OPCML: variants seen among roughly 807,000 people sequenced by gnomAD.
The protein encoded by OPCML is opioid binding protein/cell adhesion molecule like.
In OPCML, 13 loss-of-function variants were observed where a neutral mutation model predicts 37.8. The ratio of observed to expected loss-of-function variants is 0.34; its 90% confidence interval spans 0.22 to 0.55. The LOEUF (loss-of-function observed/expected upper bound fraction) is 0.55. OPCML is among the 20% of genes least tolerant of loss of function. The pLI, the probability that OPCML is intolerant of heterozygous loss-of-function variation, is 0.91. For missense variants in OPCML, 341 were observed against 435.6 expected (o/e 0.78, Z 1.93); for synonymous variants, 176 against 168.8 (o/e 1.04, Z -0.33).
intron 1 of OPCML, among the ~76,000 whole-genome samples, chr11:133,140,662 A>C (rs889100447): frequency 7.5e-5 from 4 of 53,332 alleles, no homozygotes; most frequent in African/African-American, 2.1e-4. Flanking sequence ...GAGGAAGAAA[A>C]GAAGAAAAGA....
intron 1 of OPCML, among the ~76,000 whole-genome samples, chr11:133,517,992 C>T (rs1948318964): frequency 6.6e-6 from 1 of 152,164 alleles, no homozygotes; most frequent in Non-Finnish European, 1.5e-5. Context: ...CTAGCACTGC[C>T]AGTTCCGAGG....
Position 132,485,598 on chromosome 11 carries a change from T to C in OPCML, c.505+43463A>G, listed in dbSNP as rs1014192226. Among the ~76,000 whole-genome samples, 6 of 152,342 alleles carry C rather than the reference T, an allele frequency of 3.9e-5. No individual in the cohort carries two copies. The South Asian group carries it at 1.2e-3, about 32-fold the overall frequency. ...GCAGCCACTGATCAATTTCTCCTAC[T>C]ATGACTTAGCGTTGACTGCTTTAGA... On this transcript the variant is annotated intron_variant, in intron 4 of 7. Transcript: ENST00000524381.
chr11:133,474,311 C>G (rs1453535863), intron 1 of OPCML, among the ~76,000 whole-genome samples: 3 of 152,118 alleles, frequency 2.0e-5, no homozygotes, highest in African/African-American at 7.2e-5. Context: ...CTTTGTAACA[C>G]ACATTGTAAA....
intron 3 of OPCML, among the ~76,000 whole-genome samples, chr11:132,543,920 C>T (rs1390869229): frequency 6.6e-6 from 1 of 152,012 alleles, no homozygotes; most frequent in Non-Finnish European, 1.5e-5. Flanking sequence ...TCCAACAAAC[C>T]TGGAGAGTCT....
chr11:132,533,537 A>C (rs985662626), intron 3 of OPCML, among the ~76,000 whole-genome samples: 3 of 152,172 alleles, frequency 2.0e-5, no homozygotes, highest in African/African-American at 7.2e-5. Context: ...GCTTCTGCCT[A>C]AAACCTCCAA....
At chr11:133,155,606 A>T (rs1375713663) in intron 1 of OPCML, among the ~76,000 whole-genome samples, 1 of 152,118 alleles carries the variant, frequency 6.6e-6, no homozygotes, top group Non-Finnish European at 1.5e-5. Flanking sequence ...CCTCAGATTA[A>T]CTATGCCGAG....
At chr11:133,051,604 A>T (rs1397048145) in intron 1 of OPCML, among the ~76,000 whole-genome samples, 2 of 152,126 alleles carry the variant, frequency 1.3e-5, no homozygotes, top group Non-Finnish European at 2.9e-5. Flanking sequence ...CCAGCAGCAC[A>T]TGGCTATCTC....
At chr11:133,390,563 T>G (rs1945155013) in intron 1 of OPCML, among the ~76,000 whole-genome samples, 1 of 151,924 alleles carries the variant, frequency 6.6e-6, no homozygotes, top group South Asian at 2.1e-4. Context: ...ATGAGAAAGG[T>G]CTTGGGGTCC....
intron 1 of OPCML, chr11:133,439,489 A>G (rs1946314658): frequency 2.1e-6 from 2 of 967,212 alleles, no homozygotes; most frequent in South Asian, 9.6e-5. Context: ...CTTTTTTGAG[A>G]TGGAGTCTCA....
chr11:132,618,447 G>C (rs1179531908), intron 3 of OPCML, among the ~76,000 whole-genome samples: 1 of 152,116 alleles, frequency 6.6e-6, no homozygotes, highest in Non-Finnish European at 1.5e-5. Flanking sequence ...AGGTTGCAGT[G>C]AGCCGAGATG....
chr11:132,480,965 T>C (rs1233738763), intron 4 of OPCML, among the ~76,000 whole-genome samples: 3 of 151,458 alleles, frequency 2.0e-5, no homozygotes, highest in African/African-American at 7.3e-5. Flanking sequence ...CATGAAATAA[T>C]GAGCAAAATA....
At chr11:133,355,679 T>G (rs115575407) in intron 1 of OPCML, among the ~76,000 whole-genome samples, 1 of 152,210 alleles carries the variant, frequency 6.6e-6, no homozygotes, top group Admixed American at 6.5e-5. Context: ...CAGTCATCGC[T>G]TCAGCTCTAG....
At chr11:133,363,899 T>C (rs1197689624) in intron 1 of OPCML, among the ~76,000 whole-genome samples, 1 of 152,142 alleles carries the variant, frequency 6.6e-6, no homozygotes, top group Non-Finnish European at 1.5e-5. Flanking sequence ...ACCTCAAAGG[T>C]ATACTCCAAT....
At chr11:133,013,985 G>T (rs922100778) in intron 1 of OPCML, among the ~76,000 whole-genome samples, 1 of 152,144 alleles carries the variant, frequency 6.6e-6, no homozygotes, top group African/African-American at 2.4e-5. Context: ...AAGACAAAAG[G>T]AACCCTGCTC....
chr11:132,532,790 T>C (rs945236994), intron 3 of OPCML, among the ~76,000 whole-genome samples: 3 of 152,164 alleles, frequency 2.0e-5, no homozygotes, highest in African/African-American at 7.2e-5. Flanking sequence ...AAGCCCATCT[T>C]CACCGTCCTT....
At chr11:133,145,214 T>G (rs2137176205) in intron 1 of OPCML, among the ~76,000 whole-genome samples, 1 of 152,314 alleles carries the variant, frequency 6.6e-6, no homozygotes, top group African/African-American at 2.4e-5. Context: ...GTGCTATAAC[T>G]GAGGCAGGGT....
intron 1 of OPCML, among the ~76,000 whole-genome samples, chr11:133,277,494 T>C (rs1282944842): frequency 6.6e-6 from 1 of 152,164 alleles, no homozygotes; most frequent in African/African-American, 2.4e-5. Context: ...TAAAATCTCA[T>C]GCAGAAAAAG....
chr11:132,483,471 C>A (rs1344860496), intron 4 of OPCML, among the ~76,000 whole-genome samples: 1 of 152,092 alleles, frequency 6.6e-6, no homozygotes, highest in East Asian at 1.9e-4. Flanking sequence ...GAATCAATAT[C>A]ATGAAAATGG....
chr11:132,728,223 G>A (rs1944955111), intron 2 of OPCML, among the ~76,000 whole-genome samples: 1 of 152,188 alleles, frequency 6.6e-6, no homozygotes, highest in African/African-American at 2.4e-5. Context: ...GTAGCCCCAG[G>A]CAGAAAGGGA....
Sources: gnomAD v4.1 joint callset for allele counts (sites outside exome capture counted in the v4.1 genomes callset) on GRCh38, gnomAD v4.1.1 for gene constraint, MANE v1.5 for transcripts, NCBI Gene and HGNC (gene_info 2026-07-23, HGNC 2026-07-21) for gene names.